The following MTR variants were observed in gnomAD, a reference collection of about 807,000 sequenced individuals.
MTR encodes 5-methyltetrahydrofolate-homocysteine methyltransferase.
MTR carries 84 observed loss-of-function variants against 154.8 expected under a neutral mutation model. The observed-to-expected ratio is 0.54, with a 90% confidence interval of 0.45 to 0.65. MTR has a LOEUF of 0.65. MTR is among the 30% of genes least tolerant of loss of function. The pLI, the probability that MTR is intolerant of heterozygous loss-of-function variation, is 0.00. For missense variants in MTR, 1,275 were observed against 1,570.2 expected, an observed-to-expected ratio of 0.81 and a Z score of 3.18; for synonymous variants, 554 against 553.9, an observed-to-expected ratio of 1.00 and a Z score of 0.00.
At chr1:236,841,350 CTT>C (rs1663224135) in intron 15 of MTR, among the ~76,000 whole-genome samples, 1 of 152,188 alleles carries the variant, frequency 6.6e-6, no homozygotes, top group African/African-American at 2.4e-5. Flanking sequence ...CTTTCTCACT[CTT>C]TATTTGTTTT....
intron 5 of MTR, among the ~76,000 whole-genome samples, chr1:236,811,434 C>T (rs141327176): frequency 4.6e-5 from 7 of 152,240 alleles, no homozygotes; most frequent in Admixed American, 2.0e-4. Context: ...TTCTAAGCAT[C>T]AAGACTATAG....
intron 18 of MTR, among the ~76,000 whole-genome samples, chr1:236,858,935 A>G (rs1355971719): frequency 6.6e-6 from 1 of 152,196 alleles, no homozygotes; most frequent in Non-Finnish European, 1.5e-5. Flanking sequence ...TTAGCTTACG[A>G]TAACCATTCC....
Position 236,824,175 on chromosome 1 carries a change from T to C in MTR, c.821T>C (p.Ile274Thr), listed in dbSNP as rs368380397. The stretch of plus-strand genomic sequence containing the variant: ...GAAATGAGACCTTTTATTGAAATAA[T>C]TGGAAAATGTACAACAGCCTATGTC... ...AAEMRPFIEI[I>T]GKCTTAYVLC... Residue 274 changes from isoleucine (I) to threonine (T), a missense_variant, in exon 9 of 33, where the codon ATT (isoleucine) becomes ACT (threonine). Coordinates refer to ENST00000366577, the MANE Select transcript of MTR (RefSeq NM_000254.3). 21 of 1,613,978 alleles carry C rather than the reference T, an allele frequency of 1.3e-5. No homozygotes were observed. In the Admixed American group the frequency reaches 2.8e-4, roughly 22 times the overall value.
chr1:236,848,614 C>A (rs958324844), intron 15 of MTR, among the ~76,000 whole-genome samples: 18 of 152,116 alleles, frequency 1.2e-4, no homozygotes, highest in Non-Finnish European at 2.2e-4. Context: ...TGAGAAAATT[C>A]CATTAAGGAA....
chr1:236,876,433 G>A lies in MTR; in HGVS notation c.2594+1587G>A, dbSNP rs190953764. ...AATGGGTTTTGATGAGCATGGGCTT[G>A]GGTAATTGATGACAGGCTTAGTGAA... On this transcript the variant is annotated intron_variant, in intron 24 of 32. Coordinates refer to ENST00000366577, the MANE Select transcript of MTR (RefSeq NM_000254.3). 9.2e-5 allele frequency among the ~76,000 whole-genome samples: 14 copies of A among 152,306 alleles called. No homozygotes were observed. The East Asian group carries it at 2.7e-3, about 29-fold the overall frequency.
At chr1:236,855,275 CCTCT>C (rs1325650887) in intron 18 of MTR, among the ~76,000 whole-genome samples, 1 of 152,158 alleles carries the variant, frequency 6.6e-6, no homozygotes, top group African/African-American at 2.4e-5. Context: ...AAGAGTATAG[CCTCT>C]GATCTTCCAA....
intron 13 of MTR, among the ~76,000 whole-genome samples, chr1:236,835,016 GATACTGAAGAGTTATATAGTTTTTGGCAA>G (rs1662825244): frequency 1.3e-5 from 2 of 152,174 alleles, no homozygotes; most frequent in Admixed American, 6.5e-5. Flanking sequence ...ACTTTCGGCA[GATACTGAAGAGTTATATAGTTTTTGGCAA>G]ATACTGAAGA....
chr1:236,824,705 G>T (rs1662178178), intron 9 of MTR, among the ~76,000 whole-genome samples: 1 of 152,174 alleles, frequency 6.6e-6, no homozygotes, highest in African/African-American at 2.4e-5. Flanking sequence ...TTTGTTCAGG[G>T]TTAACCAGAT....
intron 13 of MTR, 37 bp downstream of exon 13, chr1:236,832,115 A>G (rs1212270803): frequency 1.3e-6 from 2 of 1,499,132 alleles, no homozygotes; most frequent in East Asian, 2.3e-5. Context: ...GCATCTGCCC[A>G]TGTCTTTGGC....
At chr1:236,831,529 G>A (rs750094434) in intron 12 of MTR, among the ~76,000 whole-genome samples, 41 of 152,130 alleles carry the variant, frequency 2.7e-4, no homozygotes, top group Non-Finnish European at 5.1e-4. Context: ...ACACACCATT[G>A]GTGGGATTAA....
intron 2 of MTR, among the ~76,000 whole-genome samples, chr1:236,804,471 T>C (rs1660863467): frequency 1.3e-5 from 2 of 152,092 alleles, no homozygotes; most frequent in Non-Finnish European, 2.9e-5. Context: ...AAAATTAAAT[T>C]GGGATTACAT....
chr1:236,885,290 A>G, intron 26 of MTR, 71 bp downstream of exon 26: 2 of 985,366 alleles, frequency 2.0e-6, no homozygotes, highest in South Asian at 2.6e-5. Context: ...TTTTAATGTG[A>G]CTTTTTAAAA....
chr1:236,835,737 C>A (rs757013112), intron 14 of MTR, 50 bp downstream of exon 14: 4 of 1,610,096 alleles, frequency 2.5e-6, no homozygotes, highest in Admixed American at 3.3e-5. Context: ...CTCACTTTGA[C>A]ACTCATTTAA....
At chr1:236,834,761 A>G (rs887614099) in intron 13 of MTR, among the ~76,000 whole-genome samples, 7 of 152,220 alleles carry the variant, frequency 4.6e-5, no homozygotes, top group Non-Finnish European at 1.0e-4. Flanking sequence ...GTATTATGGA[A>G]CATGTATATT....
At chr1:236,818,260 A>G (rs771329816) in intron 8 of MTR, among the ~76,000 whole-genome samples, 5 of 152,204 alleles carry the variant, frequency 3.3e-5, no homozygotes, top group Non-Finnish European at 7.3e-5. Context: ...ATGTATTGCT[A>G]TTGGTTCACA....
intron 8 of MTR, among the ~76,000 whole-genome samples, chr1:236,818,325 T>C (rs1358069986): frequency 1.5e-5 from 2 of 133,178 alleles, no homozygotes; most frequent in Non-Finnish European, 3.5e-5. Context: ...ATATAGTCTT[T>C]CCTAGCGATT....
At chr1:236,816,138 C>T (rs887375504) in intron 7 of MTR, among the ~76,000 whole-genome samples, 3 of 152,216 alleles carry the variant, frequency 2.0e-5, no homozygotes, top group Non-Finnish European at 4.4e-5. Context: ...GTCAGGATGA[C>T]TTGATGTTAT....
intron 30 of MTR, 57 bp from the exon 31 acceptor site, chr1:236,895,301 A>C: frequency 1.9e-6 from 3 of 1,540,142 alleles, no homozygotes; most frequent in Non-Finnish European, 2.6e-6. Flanking sequence ...TGGAGGCTGC[A>C]CTGATGCTGT....
At chr1:236,868,367 A>G (rs1480744775) in intron 22 of MTR, among the ~76,000 whole-genome samples, 2 of 152,200 alleles carry the variant, frequency 1.3e-5, no homozygotes, top group Non-Finnish European at 2.9e-5. Context: ...AGAGTACAGT[A>G]TAGTGTGAAC....
Sources: gnomAD v4.1 joint callset for allele counts (sites outside exome capture counted in the v4.1 genomes callset) on GRCh38, gnomAD v4.1.1 for gene constraint, MANE v1.5 for transcripts, NCBI Gene and HGNC (gene_info 2026-07-23, HGNC 2026-07-21) for gene names.